PTPRA: variants seen among roughly 807,000 people sequenced by gnomAD.
The protein encoded by PTPRA is protein tyrosine phosphatase receptor type A.
In PTPRA, 25 loss-of-function variants were observed where a neutral mutation model predicts 104.8. The observed-to-expected ratio is 0.24, with a 90% CI of 0.17 to 0.33. The LOEUF is 0.33. Ranked by LOEUF, PTPRA falls within the 10% of genes least tolerant of loss-of-function variation. PTPRA has a pLI of 1.00. For missense variants in PTPRA, 765 were observed against 1,015.3 expected, an observed-to-expected ratio of 0.75 and a Z score of 3.35; for synonymous variants, 323 against 368.9, an observed-to-expected ratio of 0.88 and a Z score of 1.43.
At chr20:3,025,815 G>A in intron 17 of PTPRA, among the ~76,000 whole-genome samples, 1 of 147,618 alleles carries the variant, frequency 6.8e-6, no homozygotes, top group East Asian at 2.0e-4. Context: ...ATTGCAGTGA[G>A]CTGAGATTGT....
chr20:2,949,690 G>A (rs973848341), intron 3 of PTPRA, among the ~76,000 whole-genome samples: 1 of 150,580 alleles, frequency 6.6e-6, no homozygotes, highest in East Asian at 1.9e-4. Context: ...AATGCTTTCC[G>A]TTTCTCTCTG....
At chr20:2,978,771 A>G (rs1303927394) in intron 6 of PTPRA, among the ~76,000 whole-genome samples, 1 of 152,184 alleles carries the variant, frequency 6.6e-6, no homozygotes. Context: ...CTGCCTTTGT[A>G]ATGTAAAAGC....
intron 11 of PTPRA, among the ~76,000 whole-genome samples, chr20:3,011,340 T>C (rs1490023871): frequency 6.6e-6 from 1 of 152,208 alleles, no homozygotes; most frequent in Admixed American, 6.5e-5. Flanking sequence ...GAGCACCTGC[T>C]GTGTGCCAAG....
intron 11 of PTPRA, among the ~76,000 whole-genome samples, chr20:3,015,337 C>T (rs567762438): frequency 1.4e-5 from 2 of 138,036 alleles, no homozygotes; most frequent in Non-Finnish European, 3.0e-5. Flanking sequence ...GAGTCTTGCT[C>T]TGTCACCAAG....
intron 2 of PTPRA, among the ~76,000 whole-genome samples, chr20:2,942,260 G>C (rs2060948755): frequency 6.6e-6 from 1 of 152,120 alleles, no homozygotes; most frequent in Admixed American, 6.6e-5. Context: ...AGCCTTACTT[G>C]ATCAGGTTGT....
intron 2 of PTPRA, among the ~76,000 whole-genome samples, chr20:2,932,407 C>A (rs2060539097): frequency 6.6e-6 from 1 of 152,248 alleles, no homozygotes; most frequent in African/African-American, 2.4e-5. Context: ...AGAGTTAAAG[C>A]TCTAAAAATC....
At chr20:2,956,687 A>G (rs1411812212) in intron 3 of PTPRA, among the ~76,000 whole-genome samples, 1 of 151,684 alleles carries the variant, frequency 6.6e-6, no homozygotes, top group East Asian at 1.9e-4. Flanking sequence ...TAAATAAATA[A>G]ATAAATAAAT....
At chr20:2,976,720 C>T (rs2062446403) in intron 6 of PTPRA, among the ~76,000 whole-genome samples, 1 of 152,158 alleles carries the variant, frequency 6.6e-6, no homozygotes, top group Non-Finnish European at 1.5e-5. Context: ...ATTTGGATAT[C>T]CCATTCTAAT....
chr20:2,872,850 C>G (rs2089463166), upstream of PTPRA, among the ~76,000 whole-genome samples: 1 of 152,246 alleles, frequency 6.6e-6, no homozygotes, highest in African/African-American at 2.4e-5. This position sits in a 1 kb window ranked among gnomAD's most constrained non-coding sequence, Gnocchi z 7.9. Context: ...TCGCAGAGCA[C>G]CATGTGTTGT....
intron 1 of PTPRA, among the ~76,000 whole-genome samples, chr20:2,900,633 A>C (rs983487242): frequency 7.9e-5 from 12 of 152,078 alleles, no homozygotes; most frequent in African/African-American, 2.9e-4. Flanking sequence ...GGGCGGGTGG[A>C]TCACCTGAGG....
At chr20:2,867,522 CCGTTGG>C in the PTPRA span, among the ~76,000 whole-genome samples, 43 of 149,332 alleles carry the variant, frequency 2.9e-4, no homozygotes, top group East Asian at 7.3e-3. Context: ...GTCTAGCCCT[CCGTTGG>C]CACTCCAGTG....
chr20:2,921,800 G>T (rs2060108197), intron 1 of PTPRA, among the ~76,000 whole-genome samples: 1 of 152,162 alleles, frequency 6.6e-6, no homozygotes, highest in Non-Finnish European at 1.5e-5. Flanking sequence ...CGAAGTCTCT[G>T]CCCACCCAGA....
intron 1 of PTPRA, among the ~76,000 whole-genome samples, chr20:2,917,177 G>A (rs997463419): frequency 6.6e-6 from 1 of 151,732 alleles, no homozygotes; most frequent in Admixed American, 6.6e-5. Flanking sequence ...GGCTGGTCTC[G>A]AACTCCTGAC....
chr20:2,942,281 TAAC>T (rs1255542856), intron 2 of PTPRA, among the ~76,000 whole-genome samples: 2 of 152,220 alleles, frequency 1.3e-5, no homozygotes, highest in Non-Finnish European at 2.9e-5. Flanking sequence ...GGTATAATTA[TAAC>T]ATATGCTGCT....
In PTPRA at chr20:2,914,445, C is replaced by CTGTGTGTGTG. The variant is rs35272226; in HGVS notation, c.-128-8736_-128-8727dup. On this transcript the variant is annotated intron_variant, in intron 1 of 23. Coordinates refer to ENST00000399903, the MANE Select transcript of PTPRA (RefSeq NM_001385305.1). ...TAGACTCATTTTTTTATTTCTTGCT[C>CTGTGTGTGTG]TGTGTGTGTGTGTGTGTGTGTGTGT... is the stretch of plus-strand genomic sequence containing the variant. 2.5e-3 allele frequency among the ~76,000 whole-genome samples: 362 copies of CTGTGTGTGTG among 145,712 alleles called. 2 individuals are homozygous for CTGTGTGTGTG. The highest frequency in any genetic ancestry group is 0.017 in the South Asian group (75 of 4,526).
upstream of PTPRA, among the ~76,000 whole-genome samples, chr20:2,869,836 C>T (rs1184706254): frequency 1.3e-5 from 2 of 151,218 alleles, no homozygotes; most frequent in Non-Finnish European, 2.9e-5. Context: ...GGGGTGGTGG[C>T]GGGTCCTGTA....
intron 1 of PTPRA, among the ~76,000 whole-genome samples, chr20:2,884,681 C>T (rs893724797): frequency 6.6e-6 from 1 of 151,952 alleles, no homozygotes; most frequent in Admixed American, 6.6e-5. Context: ...ATCAGATATA[C>T]GATCTGTAAA....
intron 5 of PTPRA, among the ~76,000 whole-genome samples, chr20:2,973,025 A>G (rs1045271502): frequency 1.3e-5 from 2 of 151,996 alleles, no homozygotes; most frequent in African/African-American, 4.8e-5. Context: ...TGGCCATTTC[A>G]TTCATGTTTT....
chr20:3,003,019 C>G (rs998846808), intron 9 of PTPRA, among the ~76,000 whole-genome samples: 1 of 152,176 alleles, frequency 6.6e-6, no homozygotes, highest in Admixed American at 6.6e-5. Context: ...ATACTATTTT[C>G]TATACTCATC....
Sources: gnomAD v4.1 joint callset for allele counts (sites outside exome capture counted in the v4.1 genomes callset) on GRCh38, gnomAD v4.1.1 for gene constraint, Gnocchi (gnomAD v3.1) non-coding constraint, MANE v1.5 for transcripts, NCBI Gene and HGNC (gene_info 2026-07-23, HGNC 2026-07-21) for gene names.